GPC5: variants seen among roughly 807,000 people sequenced by gnomAD.
GPC5 encodes glypican-5.
GPC5 carries 47 observed loss-of-function variants against 53.9 expected under a neutral mutation model. The observed-to-expected ratio is 0.87, with a 90% confidence interval of 0.69 to 1.11. GPC5 has a LOEUF of 1.11. Ranked by LOEUF, GPC5 falls within the 50% of genes most tolerant of loss-of-function variation. GPC5 has a pLI of 0.00. For missense variants in GPC5, 748 were observed against 713.1 expected (o/e 1.05, Z -0.56); for synonymous variants, 286 against 263.3 (o/e 1.09, Z -0.84).
At position 92,866,466 on chromosome 13, in the gene GPC5, T is replaced by C. The variant is rs903042085; in HGVS notation, c.*27T>C. On this transcript the variant is annotated 3_prime_UTR_variant, in exon 8 of 8. Transcript: ENST00000377067. ...TGAACTCTTCTGTCCTGACATACCT[T>C]ACTGAAGTCTCGATTTCTTCTCTCT... is the stretch of plus-strand genomic sequence containing the variant. The C allele has an allele frequency of 2.0e-6, 3 of 1,526,068 alleles. No individual in the cohort carries two copies. Among genetic ancestry groups the C allele is most frequent in the African/African-American group, 1.4e-5 (1 of 72,268 alleles). The allele number at this position is 1,526,068 out of a possible 1,614,324, so 94.5% of individuals were successfully genotyped here. A position where few individuals can be genotyped will look rare whatever the true frequency, so the allele number is the denominator to read the frequency against.
At position 92,284,544 on chromosome 13, in the gene GPC5, T is replaced by C. The variant is rs376176789; in HGVS notation, c.1561+139555T>C. On this transcript the variant is annotated intron_variant, in intron 7 of 7. Coordinates refer to ENST00000377067, the MANE Select transcript of GPC5 (RefSeq NM_004466.6). Reference sequence around the variant, plus strand: ...AGCACGTCAAAAAGCTTATCCACCATGATCAAGTGGGCTTCATCCCTGGGA... The same window carrying C: ...AGCACGTCAAAAAGCTTATCCACCACGATCAAGTGGGCTTCATCCCTGGGA... Among the ~76,000 whole-genome samples the C allele has an allele frequency of 2.0e-5, 3 of 152,154 alleles. No individual in the cohort carries two copies. In the East Asian group the frequency reaches 5.8e-4, roughly 29 times the overall value.
intron 6 of GPC5, among the ~76,000 whole-genome samples, chr13:92,119,662 C>T (rs577406709): frequency 4.7e-4 from 70 of 148,154 alleles, no homozygotes; most frequent in African/African-American, 1.4e-3. Context: ...CCTCGTGATC[C>T]GCCCGCTTCG....
chr13:92,524,783 A>T (rs944838893), intron 7 of GPC5, among the ~76,000 whole-genome samples: 13 of 152,140 alleles, frequency 8.5e-5, no homozygotes, highest in Non-Finnish European at 1.8e-4. Context: ...AACAGCTTTT[A>T]GGTAGACATC....
chr13:91,471,651 C>T (rs938760746), intron 2 of GPC5, among the ~76,000 whole-genome samples: 1 of 152,156 alleles, frequency 6.6e-6, no homozygotes, highest in Admixed American at 6.6e-5. Context: ...TCTTCCTCAT[C>T]TTCAAAACTG....
intron 6 of GPC5, among the ~76,000 whole-genome samples, chr13:91,915,899 C>T (rs1054169246): frequency 1.3e-5 from 2 of 152,080 alleles, no homozygotes; most frequent in African/African-American, 4.8e-5. Flanking sequence ...ATATTTTTGA[C>T]AATTACTAGA....
intron 6 of GPC5, among the ~76,000 whole-genome samples, chr13:92,070,986 C>T (rs1231707262): frequency 6.6e-6 from 1 of 152,068 alleles, no homozygotes; most frequent in African/African-American, 2.4e-5. Context: ...GCCTGTAATC[C>T]CAGCACTTTG....
At chr13:91,885,581 C>A (rs1373840875) in intron 5 of GPC5, among the ~76,000 whole-genome samples, 2 of 152,122 alleles carry the variant, frequency 1.3e-5, no homozygotes, top group Non-Finnish European at 2.9e-5. Flanking sequence ...TCTGGCATAC[C>A]CATCTGCCTG....
At chr13:92,148,558 T>C (rs1291281799) in intron 7 of GPC5, among the ~76,000 whole-genome samples, 1 of 152,150 alleles carries the variant, frequency 6.6e-6, no homozygotes, top group Non-Finnish European at 1.5e-5. Context: ...CTGATTTCAG[T>C]AGAATGGCTT....
chr13:91,432,946 G>A (rs1363184998), intron 1 of GPC5, among the ~76,000 whole-genome samples: 3 of 152,126 alleles, frequency 2.0e-5, no homozygotes, highest in African/African-American at 7.2e-5. Flanking sequence ...AATATTATAT[G>A]TGCCCTTAGG....
intron 1 of GPC5, among the ~76,000 whole-genome samples, chr13:91,411,363 TAAG>T (rs1043632961): frequency 6.6e-5 from 10 of 152,290 alleles, no homozygotes; most frequent in African/African-American, 2.4e-4. Flanking sequence ...ATATTGGAGA[TAAG>T]AACTTATCTT....
At chr13:91,711,468 G>T (rs183557016) in intron 3 of GPC5, among the ~76,000 whole-genome samples, 175 of 152,176 alleles carry the variant, frequency 1.1e-3, no homozygotes, top group Admixed American at 1.8e-3. Flanking sequence ...GTGGGGGACT[G>T]GGGGAGGGAT....
intron 7 of GPC5, among the ~76,000 whole-genome samples, chr13:92,324,398 G>C (rs1392745976): frequency 6.6e-6 from 1 of 151,806 alleles, no homozygotes; most frequent in East Asian, 1.9e-4. Flanking sequence ...TGCATGGTGA[G>C]GGATAAAGTA....
rs1188763945 is a variant in GPC5 at position 92,866,372 on chromosome 13, C to G, written c.1652C>G (p.Ala551Gly). 1.2e-6 allele frequency: 2 copies of G among 1,612,776 alleles called. No individual in the cohort carries two copies. Among genetic ancestry groups the G allele is most frequent in the Non-Finnish European group, 1.7e-6 (2 of 1,179,162 alleles). Residue 551 changes from alanine (A) to glycine (G), a missense_variant, in exon 8 of 8, where the codon GCA becomes GGA. Transcript: ENST00000377067. ...STLDTTGAGC[A>G]VATESMTFTL... is the part of the protein sequence containing the mutation. ...TTAGACACAACAGGAGCAGGATGTGCAGTGGCGACTGAATCTATGACATTC... is the reference window on the plus strand; with the variant it reads ...TTAGACACAACAGGAGCAGGATGTGGAGTGGCGACTGAATCTATGACATTC...
intron 7 of GPC5, among the ~76,000 whole-genome samples, chr13:92,662,925 A>C (rs2139188841): frequency 6.6e-6 from 1 of 152,264 alleles, no homozygotes; most frequent in African/African-American, 2.4e-5. Context: ...TTCCTTAATA[A>C]ATTATTTTCA....
intron 7 of GPC5, among the ~76,000 whole-genome samples, chr13:92,357,817 A>G (rs1028687026): frequency 1.3e-5 from 2 of 151,470 alleles, no homozygotes; most frequent in African/African-American, 4.9e-5. Context: ...CCATGACCCA[A>G]TCACATCCCT....
At chr13:91,931,324 G>A (rs1010482976) in intron 6 of GPC5, among the ~76,000 whole-genome samples, 4 of 151,882 alleles carry the variant, frequency 2.6e-5, no homozygotes, top group Admixed American at 6.6e-5. Context: ...AAAGCAACTC[G>A]GTAAAAATAA....
chr13:91,928,868 T>C (rs969556226), intron 6 of GPC5, among the ~76,000 whole-genome samples: 9 of 152,268 alleles, frequency 5.9e-5, no homozygotes, highest in Admixed American at 2.0e-4. Flanking sequence ...AGCAGAAAGA[T>C]GTGAAGGTGA....
At chr13:92,144,413 C>G (rs2041851661) in intron 6 of GPC5, among the ~76,000 whole-genome samples, 1 of 152,148 alleles carries the variant, frequency 6.6e-6, no homozygotes, top group Non-Finnish European at 1.5e-5. Context: ...AAGAGTCGTA[C>G]TTCTTCAGAA....
At chr13:91,755,414 T>C (rs1486249222) in intron 4 of GPC5, among the ~76,000 whole-genome samples, 2 of 152,128 alleles carry the variant, frequency 1.3e-5, no homozygotes, top group Non-Finnish European at 2.9e-5. Context: ...GCATCTCCTA[T>C]GATCAGCCTA....
Sources: gnomAD v4.1 joint callset for allele counts (sites outside exome capture counted in the v4.1 genomes callset) on GRCh38, gnomAD v4.1.1 for gene constraint, MANE v1.5 for transcripts, NCBI Gene and HGNC (gene_info 2026-07-23, HGNC 2026-07-21) for gene names.